The following ATP2A2 variants were observed in gnomAD, a reference collection of about 807,000 sequenced individuals.
ATP2A2 encodes sarcoplasmic/endoplasmic reticulum calcium ATPase 2.
In ATP2A2, 14 loss-of-function variants were observed where a neutral mutation model predicts 109.3. The observed-to-expected ratio is 0.13, with a 90% confidence interval of 0.08 to 0.20. ATP2A2 has a LOEUF of 0.20. Among genes scored for constraint, ATP2A2 ranks in the 10% least tolerant of loss-of-function variants. The pLI is 1.00. For missense variants in ATP2A2, 657 were observed against 1,321.6 expected (o/e 0.50, Z 7.80); for synonymous variants, 506 against 490.9 (o/e 1.03, Z -0.41).
In ATP2A2 at chr12:110,288,101, C is replaced by CTTTTTT. The variant is rs71083111; in HGVS notation, c.220-3900_220-3895dup. 2.9e-4 allele frequency among the ~76,000 whole-genome samples: 25 copies of CTTTTTT among 87,308 alleles called. 1 individual carries two copies. The highest frequency in any genetic ancestry group is 9.6e-4 in the African/African-American group (18 of 18,836). 57.3% of individuals were successfully genotyped at this position (87,308 alleles called of 152,430 possible). The stretch of plus-strand genomic sequence containing the variant: ...TAGGTGTGAGCCATCATGCTTTGCC[C>CTTTTTT]TTTTTTTTTTTTTTTTTTTTTTTTG... On this transcript the variant is annotated intron_variant, in intron 3 of 19. Coordinates refer to ENST00000539276, the MANE Select transcript of ATP2A2 (RefSeq NM_170665.4).
In ATP2A2 at chr12:110,347,958, C is replaced by T. The variant is rs911255218; in HGVS notation, c.*1488C>T. ...TGCCTGTGGCGCCTGCCATGTGACT[C>T]GGGCGCAGCATCAGCTGGCTGGAGG... is the stretch of plus-strand genomic sequence containing the variant. On this transcript the variant is annotated 3_prime_UTR_variant, in exon 20 of 20. Coordinates refer to ENST00000539276, the MANE Select transcript of ATP2A2 (RefSeq NM_170665.4). 7.1e-6 allele frequency: 7 copies of T among 987,346 alleles called. No individual in the cohort carries two copies. Among genetic ancestry groups the T allele is most frequent in the Middle Eastern group, 5.2e-4 (1 of 1,936 alleles). 61.2% of individuals were successfully genotyped at this position (987,346 alleles called of 1,614,324 possible).
intron 3 of ATP2A2, among the ~76,000 whole-genome samples, chr12:110,287,772 G>A (rs940347324): frequency 2.0e-5 from 3 of 151,536 alleles, no homozygotes; most frequent in Admixed American, 6.6e-5. Flanking sequence ...GCACCACCAC[G>A]CCCGGGTAAT....
At chr12:110,294,702 A>T (rs1873778475) in intron 4 of ATP2A2, among the ~76,000 whole-genome samples, 1 of 152,190 alleles carries the variant, frequency 6.6e-6, no homozygotes, top group Non-Finnish European at 1.5e-5. Flanking sequence ...TCTTTAGTAT[A>T]CTGAATGGTA....
At position 110,342,128 on chromosome 12, in the gene ATP2A2, T is replaced by C; in HGVS notation, c.2098-100T>C. On this transcript the variant is annotated intron_variant, in intron 14 of 19. Transcript: ENST00000539276. This position sits in a 1 kb window ranked among gnomAD's most constrained non-coding sequence, Gnocchi z 4.6. Reference sequence around the variant, plus strand: ...AACTCTTTGCCAAGAGACCTACGGCTCTATTCATTTTCCTCCTGCTTCCCA... The same window carrying C: ...AACTCTTTGCCAAGAGACCTACGGCCCTATTCATTTTCCTCCTGCTTCCCA... The C allele has an allele frequency of 7.5e-7, 1 of 1,330,788 alleles. No homozygotes were observed. The highest frequency in any genetic ancestry group is 1.1e-6 in the Non-Finnish European group (1 of 925,050). 82.4% of individuals were successfully genotyped at this position (1,330,788 alleles called of 1,614,324 possible).
chr12:110,285,424 G>C (rs993057222), intron 3 of ATP2A2, among the ~76,000 whole-genome samples: 1 of 152,092 alleles, frequency 6.6e-6, no homozygotes, highest in African/African-American at 2.4e-5. Flanking sequence ...TCGTATGGTT[G>C]CTTAACTGAT....
intron 6 of ATP2A2, among the ~76,000 whole-genome samples, chr12:110,324,393 G>A (rs1234319848): frequency 6.6e-6 from 1 of 152,144 alleles, no homozygotes; most frequent in East Asian, 1.9e-4. Flanking sequence ...TTCTCATAGT[G>A]TGCCCTAAAG....
chr12:110,293,817 G>A (rs1873618580), intron 4 of ATP2A2, among the ~76,000 whole-genome samples: 1 of 140,120 alleles, frequency 7.1e-6, no homozygotes, highest in African/African-American at 2.8e-5. Context: ...TTGTAATTGT[G>A]CCATATATAT....
chr12:110,313,310 C>CTTTTTTT (rs748790705), intron 5 of ATP2A2, among the ~76,000 whole-genome samples: 13 of 113,196 alleles, frequency 1.1e-4, no homozygotes, highest in Non-Finnish European at 1.2e-4. Flanking sequence ...ACCACCTTTC[C>CTTTTTTT]TTTTTTTTTT....
Position 110,350,168 on chromosome 12 carries a change from T to C in ATP2A2, c.*3698T>C. The C allele has an allele frequency of 6.3e-7, 1 of 1,593,180 alleles. No individual in the cohort carries two copies. Among genetic ancestry groups the C allele is most frequent in the Admixed American group, 1.7e-5 (1 of 57,728 alleles). ...ATCAGAAATGCTGGTCTTGAAACCT[T>C]GAAAAGATCAAGCTGAATGTTCCTT... On this transcript the variant is annotated 3_prime_UTR_variant, in exon 20 of 20. Coordinates refer to ENST00000539276, the MANE Select transcript of ATP2A2 (RefSeq NM_170665.4).
upstream of ATP2A2, chr12:110,280,841 C>T (rs916753632): frequency 3.3e-5 from 5 of 152,336 alleles, no homozygotes; most frequent in African/African-American, 1.2e-4. Context: ...GACATCAGCC[C>T]GAGGGCGCCT....
At chr12:110,341,895 C>T (rs185365389) in intron 14 of ATP2A2, among the ~76,000 whole-genome samples, 36 of 152,298 alleles carry the variant, frequency 2.4e-4, no homozygotes, top group Middle Eastern at 3.4e-3. Context: ...CATATTTTTG[C>T]AATCTGCATC....
At chr12:110,334,220 A>C in intron 11 of ATP2A2, 77 bp downstream of exon 11, 1 of 1,560,688 alleles carries the variant, frequency 6.4e-7, no homozygotes, top group Non-Finnish European at 8.8e-7. Context: ...GCACTGTCCT[A>C]CTCTCTTAGA....
Position 110,350,163 on chromosome 12 carries a change from A to G in ATP2A2, c.*3693A>G. On this transcript the variant is annotated 3_prime_UTR_variant, in exon 20 of 20. Coordinates refer to ENST00000539276, the MANE Select transcript of ATP2A2 (RefSeq NM_170665.4). ...AGTAAATCAGAAATGCTGGTCTTGA[A>G]ACCTTGAAAAGATCAAGCTGAATGT... 2 of 1,585,298 alleles carry G rather than the reference A, an allele frequency of 1.3e-6. No individual in the cohort carries two copies. The highest frequency in any genetic ancestry group is 1.7e-6 in the Non-Finnish European group (2 of 1,165,426).
At chr12:110,333,859 T>G (rs1415713846) in intron 10 of ATP2A2, among the ~76,000 whole-genome samples, 153 bp from the exon 11 acceptor site, 1 of 151,932 alleles carries the variant, frequency 6.6e-6, no homozygotes, top group Admixed American at 6.6e-5. Context: ...TGTTTTTAAT[T>G]ATCTGGGTCA....
chr12:110,306,260 C>T (rs941430085), intron 5 of ATP2A2, among the ~76,000 whole-genome samples: 38 of 152,166 alleles, frequency 2.5e-4, no homozygotes, highest in African/African-American at 8.2e-4. Flanking sequence ...AGGATGGTCT[C>T]GATCTCCTGA....
intron 11 of ATP2A2, among the ~76,000 whole-genome samples, chr12:110,336,650 C>G (rs1393897266): frequency 1.3e-5 from 2 of 152,206 alleles, no homozygotes; most frequent in Non-Finnish European, 2.9e-5. Flanking sequence ...TGTGAGGCAG[C>G]ATTTTGTCTC....
intron 3 of ATP2A2, among the ~76,000 whole-genome samples, chr12:110,288,859 C>T (rs927408329): frequency 2.6e-5 from 4 of 152,172 alleles, no homozygotes; most frequent in African/African-American, 9.7e-5. Flanking sequence ...AGGGATCTTG[C>T]GTTTCAGTAA....
chr12:110,315,196 A>G lies in ATP2A2; in HGVS notation c.464-7796A>G, dbSNP rs867116607. Reference sequence around the variant, plus strand: ...CTGTTAACTGTATATATATCTGTTGAAAGAGGGGAAGAAGAATGGTGTTTG... The same window carrying G: ...CTGTTAACTGTATATATATCTGTTGGAAGAGGGGAAGAAGAATGGTGTTTG... On this transcript the variant is annotated intron_variant, in intron 5 of 19. Transcript: ENST00000539276. 5.3e-5 allele frequency among the ~76,000 whole-genome samples: 8 copies of G among 152,280 alleles called. No individual in the cohort carries two copies. In the Middle Eastern group the frequency reaches 0.014, roughly 259 times the overall value.
chr12:110,282,055 A>G (rs1872158221), intron 1 of ATP2A2, 148 bp downstream of exon 1: 2 of 536,280 alleles, frequency 3.7e-6, no homozygotes, highest in Non-Finnish European at 6.2e-6. Context: ...GCCCCGCGGG[A>G]GAGAAAGGGG....
Sources: gnomAD v4.1 joint callset for allele counts (sites outside exome capture counted in the v4.1 genomes callset) on GRCh38, gnomAD v4.1.1 for gene constraint, Gnocchi (gnomAD v3.1) non-coding constraint, MANE v1.5 for transcripts, NCBI Gene and HGNC (gene_info 2026-07-23, HGNC 2026-07-21) for gene names.